The following PPP1R1C variants were observed in gnomAD, a reference collection of about 807,000 sequenced individuals.
The protein encoded by PPP1R1C is protein phosphatase 1 regulatory inhibitor subunit 1C.
Under a neutral mutation model 17.4 loss-of-function variants are expected in PPP1R1C, and 15 were observed. The observed-to-expected ratio is 0.86, with a 90% CI of 0.58 to 1.33. The LOEUF (loss-of-function observed/expected upper bound fraction) is 1.33. PPP1R1C is among the 40% of genes most tolerant of loss of function. The probability of loss-of-function intolerance (pLI) is 0.00; values close to 1 mark genes in which losing one functional copy is unlikely to be tolerated. For synonymous variants in PPP1R1C, 35 were observed against 43.1 expected (o/e 0.81, Z 0.73); for missense variants, 143 against 130.0 (o/e 1.10, Z -0.48).
intron 2 of PPP1R1C, among the ~76,000 whole-genome samples, chr2:182,014,037 G>A (rs1686172077): frequency 6.6e-6 from 1 of 152,184 alleles, no homozygotes; most frequent in Non-Finnish European, 1.5e-5. Context: ...TTGGTCCCCA[G>A]TACCATATTT....
chr2:182,038,845 A>G (rs950426268), intron 2 of PPP1R1C, among the ~76,000 whole-genome samples: 32 of 152,244 alleles, frequency 2.1e-4, no homozygotes, highest in African/African-American at 7.5e-4. Context: ...GCTATAAGTA[A>G]CAAGGATGTG....
At chr2:182,100,260 C>A (rs1454866536) in intron 4 of PPP1R1C, among the ~76,000 whole-genome samples, 1 of 152,012 alleles carries the variant, frequency 6.6e-6, no homozygotes, top group African/African-American at 2.4e-5. Flanking sequence ...CCCTGTAGTC[C>A]CGGCACTTTG....
At chr2:181,995,893 A>G (rs2125145433) in intron 2 of PPP1R1C, among the ~76,000 whole-genome samples, 1 of 152,260 alleles carries the variant, frequency 6.6e-6, no homozygotes, top group Middle Eastern at 3.4e-3. Context: ...AATTCCAGAC[A>G]GAATTTACCA....
chr2:182,058,469 C>T (rs1687753171), intron 2 of PPP1R1C, among the ~76,000 whole-genome samples: 2 of 152,122 alleles, frequency 1.3e-5, no homozygotes, highest in East Asian at 3.8e-4. Context: ...CATAAAGATA[C>T]TCATTCCCTC....
At chr2:181,956,793 A>G (rs1273886585) in intron 1 of PPP1R1C, among the ~76,000 whole-genome samples, 1 of 152,190 alleles carries the variant, frequency 6.6e-6, no homozygotes, top group Admixed American at 6.6e-5. Flanking sequence ...TATTTAACAT[A>G]TTTTTGCATG....
chr2:182,067,334 T>C (rs1010612150), intron 4 of PPP1R1C, among the ~76,000 whole-genome samples: 1 of 151,994 alleles, frequency 6.6e-6, no homozygotes, highest in Non-Finnish European at 1.5e-5. Context: ...AGGATGGCTA[T>C]GATCTTGATT....
intron 2 of PPP1R1C, among the ~76,000 whole-genome samples, chr2:182,031,650 A>G (rs1686843760): frequency 6.6e-6 from 1 of 152,150 alleles, no homozygotes; most frequent in African/African-American, 2.4e-5. Flanking sequence ...TTTTCTTATC[A>G]AATATCATTT....
intron 2 of PPP1R1C, among the ~76,000 whole-genome samples, chr2:182,026,617 G>C (rs1053751396): frequency 1.3e-5 from 2 of 152,056 alleles, no homozygotes; most frequent in Admixed American, 1.3e-4. Context: ...CTGTAGGCTT[G>C]TAGTATAGTT....
chr2:181,988,582 G>T (rs893289203), intron 2 of PPP1R1C, among the ~76,000 whole-genome samples: 6 of 152,198 alleles, frequency 3.9e-5, no homozygotes, highest in African/African-American at 1.4e-4. Flanking sequence ...GCTGCTTCTG[G>T]ATATACAAGT....
At chr2:182,110,666 A>T (rs564621057) in intron 4 of PPP1R1C, among the ~76,000 whole-genome samples, 4 of 152,322 alleles carry the variant, frequency 2.6e-5, no homozygotes, top group Admixed American at 6.5e-5. Context: ...CTGTGGCTGT[A>T]AATGCAACTC....
rs1435516771 is a variant in PPP1R1C, at chr2:182,013,450, T to C, written c.142+25551T>C. Among the ~76,000 whole-genome samples, 2 of 152,294 alleles carry C rather than the reference T, an allele frequency of 1.3e-5. 1 individual carries two copies. Among genetic ancestry groups the C allele is most frequent in the South Asian group, 4.1e-4 (2 of 4,828 alleles). ...TTATTTTTTGTTTCTTTTCTCTTGCTGCTTTTAGGATCCTTTCTTTATCCT... is the reference window on the plus strand; with the variant it reads ...TTATTTTTTGTTTCTTTTCTCTTGCCGCTTTTAGGATCCTTTCTTTATCCT... On this transcript the variant is annotated intron_variant, in intron 2 of 4. Coordinates refer to ENST00000682840, the MANE Select transcript of PPP1R1C (RefSeq NM_001080545.3).
chr2:182,072,895 A>G (rs1688180453), intron 4 of PPP1R1C, among the ~76,000 whole-genome samples: 1 of 152,058 alleles, frequency 6.6e-6, no homozygotes, highest in Non-Finnish European at 1.5e-5. Flanking sequence ...CACAAATCTG[A>G]CTGTTTTGTT....
chr2:182,073,396 T>C (rs1688196116), intron 4 of PPP1R1C, among the ~76,000 whole-genome samples: 1 of 152,236 alleles, frequency 6.6e-6, no homozygotes, highest in Non-Finnish European at 1.5e-5. Context: ...ATTGGCTTAA[T>C]TTTAGCCACA....
At chr2:182,058,808 G>A (rs953260502) in intron 2 of PPP1R1C, among the ~76,000 whole-genome samples, 3 of 152,068 alleles carry the variant, frequency 2.0e-5, no homozygotes, top group Non-Finnish European at 4.4e-5. Context: ...TTTCCTTAGC[G>A]TTGTCTCTGC....
intron 2 of PPP1R1C, among the ~76,000 whole-genome samples, chr2:181,978,214 T>G (rs907774373): frequency 1.3e-5 from 2 of 152,216 alleles, no homozygotes; most frequent in Non-Finnish European, 2.9e-5. Flanking sequence ...TAACTCCACC[T>G]GGCCCTGCCC....
In PPP1R1C at chr2:182,108,156, C is replaced by T. The variant is rs540419586; in HGVS notation, c.242-9051C>T. On this transcript the variant is annotated intron_variant, in intron 4 of 4. Transcript: ENST00000682840. ...TGGTGTCACAGATGCTAACATCTGT[C>T]AAAACTGATAAAATTGTACACCTTG... is the stretch of plus-strand genomic sequence containing the variant. 2.0e-5 allele frequency among the ~76,000 whole-genome samples: 3 copies of T among 152,084 alleles called. No homozygotes were observed. The South Asian group carries it at 6.3e-4, about 32-fold the overall frequency.
chr2:182,000,441 G>A (rs897825120), intron 2 of PPP1R1C, among the ~76,000 whole-genome samples: 2 of 152,146 alleles, frequency 1.3e-5, no homozygotes, highest in African/African-American at 2.4e-5. Context: ...TGATCTGAGG[G>A]TGGAGATTTT....
chr2:182,102,137 G>A (rs539446847), intron 4 of PPP1R1C, among the ~76,000 whole-genome samples: 2 of 152,260 alleles, frequency 1.3e-5, no homozygotes, highest in East Asian at 3.9e-4. Context: ...AATCATTTAT[G>A]GTACAATCTA....
chr2:182,003,957 T>C (rs893573430), intron 2 of PPP1R1C, among the ~76,000 whole-genome samples: 1 of 152,122 alleles, frequency 6.6e-6, no homozygotes, highest in African/African-American at 2.4e-5. Flanking sequence ...TTTCAACTGA[T>C]GATTAGTCAG....
Sources: allele counts gnomAD v4.1 joint callset (sites outside exome capture counted in the v4.1 genomes callset), GRCh38; gene constraint gnomAD v4.1.1; transcripts MANE v1.5; gene names NCBI Gene and HGNC (gene_info 2026-07-23, HGNC 2026-07-21).